CNTN5: variants seen among roughly 807,000 people sequenced by gnomAD.
The protein encoded by CNTN5 is contactin 5.
CNTN5 carries 77 observed loss-of-function variants against 129.1 expected under a neutral mutation model. That is an observed-to-expected ratio of 0.60 (90% CI 0.50 to 0.72). The LOEUF is 0.72. Among genes scored for constraint, CNTN5 ranks in the 30% least tolerant of loss-of-function variants. CNTN5 has a pLI of 0.00. For missense variants in CNTN5, 1,478 were observed against 1,328.8 expected, an observed-to-expected ratio of 1.11 and a Z score of -1.75; for synonymous variants, 509 against 465.6, an observed-to-expected ratio of 1.09 and a Z score of -1.20.
chr11:100,247,633 T>C (rs974825315), intron 16 of CNTN5, among the ~76,000 whole-genome samples: 1 of 152,168 alleles, frequency 6.6e-6, no homozygotes, highest in East Asian at 1.9e-4. Context: ...CATCATCTTG[T>C]ATAAAAATAA....
chr11:99,987,836 A>G (rs576341645), intron 8 of CNTN5, among the ~76,000 whole-genome samples: 1 of 152,280 alleles, frequency 6.6e-6, no homozygotes, highest in East Asian at 1.9e-4. Flanking sequence ...GGAGGGGGTT[A>G]CATAATTTTT....
At chr11:99,085,690 AG>A (rs1865977795) in intron 1 of CNTN5, among the ~76,000 whole-genome samples, 1 of 152,256 alleles carries the variant, frequency 6.6e-6, no homozygotes, top group African/African-American at 2.4e-5. Flanking sequence ...AAATTTTATA[AG>A]CTTATGTTTA....
intron 4 of CNTN5, among the ~76,000 whole-genome samples, chr11:99,838,375 TTCTA>T (rs1182264031): frequency 1.2e-4 from 18 of 152,350 alleles, no homozygotes; most frequent in Admixed American, 5.2e-4. Context: ...TAAATGATAC[TTCTA>T]TCTCTTATTT....
chr11:99,621,997 G>A (rs564746025), intron 3 of CNTN5, among the ~76,000 whole-genome samples: 4 of 152,148 alleles, frequency 2.6e-5, no homozygotes, highest in African/African-American at 7.2e-5. Context: ...AATCTGACTC[G>A]TTTTATCTGG....
intron 2 of CNTN5, among the ~76,000 whole-genome samples, chr11:99,434,843 A>T (rs1357763450): frequency 6.6e-6 from 1 of 152,198 alleles, no homozygotes; most frequent in African/African-American, 2.4e-5. Context: ...TTGACAATTC[A>T]AGAGAAATTT....
chr11:99,550,616 C>A (rs1948450687), intron 2 of CNTN5, among the ~76,000 whole-genome samples: 1 of 152,134 alleles, frequency 6.6e-6, no homozygotes, highest in Non-Finnish European at 1.5e-5. Context: ...AATTTACATA[C>A]AAGGCCCTCA....
rs1404138327 is a variant in CNTN5 at position 99,995,038 on chromosome 11, G to GTGA, written c.878-6995_878-6993dup. Among the ~76,000 whole-genome samples, 6 of 152,286 alleles carry GTGA rather than the reference G, an allele frequency of 3.9e-5. No homozygotes were observed. The South Asian group carries it at 8.3e-4, about 21-fold the overall frequency. On this transcript the variant is annotated intron_variant, in intron 8 of 24. Coordinates refer to ENST00000524871, the MANE Select transcript of CNTN5 (RefSeq NM_014361.4). ...AGAAGTCGTTAAACATTTGTTTTTG[G>GTGA]TGACATAATAGTGCTAACCACTCAG...
At chr11:100,068,256 T>C (rs553998906) in intron 10 of CNTN5, among the ~76,000 whole-genome samples, 13 of 152,242 alleles carry the variant, frequency 8.5e-5, no homozygotes, top group African/African-American at 3.1e-4. Flanking sequence ...ACAATTTAAG[T>C]CAGCAACAGA....
At chr11:99,823,317 A>G (rs776450153) in intron 4 of CNTN5, among the ~76,000 whole-genome samples, 9 of 152,098 alleles carry the variant, frequency 5.9e-5, no homozygotes, top group South Asian at 2.1e-4. Flanking sequence ...TGTTTCATCT[A>G]TTTTAAGTTG....
intron 1 of CNTN5, among the ~76,000 whole-genome samples, chr11:99,140,547 C>T (rs1044572096): frequency 6.6e-6 from 1 of 151,866 alleles, no homozygotes; most frequent in East Asian, 1.9e-4. Context: ...GAATCTGGTA[C>T]GAATAGGCAT....
intron 2 of CNTN5, among the ~76,000 whole-genome samples, chr11:99,351,335 A>G (rs867059082): frequency 6.6e-6 from 1 of 152,232 alleles, no homozygotes; most frequent in African/African-American, 2.4e-5. Context: ...TTGTAGATAC[A>G]GACACTAATG....
At chr11:99,987,337 T>C (rs147347015) in intron 8 of CNTN5, among the ~76,000 whole-genome samples, 4 of 152,082 alleles carry the variant, frequency 2.6e-5, no homozygotes, top group African/African-American at 9.6e-5. Context: ...GATTGAATAA[T>C]TGATTGAGTC....
intron 1 of CNTN5, among the ~76,000 whole-genome samples, chr11:99,102,089 G>C (rs921487120): frequency 6.6e-6 from 1 of 152,164 alleles, no homozygotes; most frequent in African/African-American, 2.4e-5. Flanking sequence ...GCCAAGGCTT[G>C]GGGCTTGCAC....
At chr11:99,300,174 A>G (rs183258163) in intron 1 of CNTN5, among the ~76,000 whole-genome samples, 43 of 152,128 alleles carry the variant, frequency 2.8e-4, no homozygotes, top group African/African-American at 9.4e-4. Flanking sequence ...GAGTGGTGAA[A>G]ATGGCGTCCT....
At chr11:99,350,942 A>T (rs1340383218) in intron 2 of CNTN5, among the ~76,000 whole-genome samples, 1 of 152,046 alleles carries the variant, frequency 6.6e-6, no homozygotes, top group African/African-American at 2.4e-5. Flanking sequence ...GTTAGTTCCT[A>T]AAACCAAGCA....
chr11:99,857,664 T>C lies in CNTN5; in HGVS notation c.577+12402T>C, dbSNP rs190608916. 8.7e-4 allele frequency among the ~76,000 whole-genome samples: 133 copies of C among 152,270 alleles called. 1 individual carries two copies. Among genetic ancestry groups the C allele is most frequent in the East Asian group, 7.7e-4 (4 of 5,190 alleles). ...TCATAATTTTGCATACTATTGGTAA[T>C]ATCTTACATATCATATTCGATGTCT... On this transcript the variant is annotated intron_variant, in intron 6 of 24. Coordinates refer to ENST00000524871, the MANE Select transcript of CNTN5 (RefSeq NM_014361.4).
At chr11:99,130,645 C>T (rs1482837714) in intron 1 of CNTN5, among the ~76,000 whole-genome samples, 1 of 152,030 alleles carries the variant, frequency 6.6e-6, no homozygotes, top group African/African-American at 2.4e-5. Context: ...CACCCCAAAA[C>T]AACAGAATAT....
intron 3 of CNTN5, among the ~76,000 whole-genome samples, chr11:99,719,798 G>T (rs1943105868): frequency 6.6e-6 from 1 of 151,864 alleles, no homozygotes; most frequent in Admixed American, 6.6e-5. Context: ...TAATTGAAAA[G>T]AAAAGAGAGA....
At chr11:99,582,435 C>G (rs59871538) in intron 3 of CNTN5, among the ~76,000 whole-genome samples, 3,010 of 152,264 alleles carry the variant, frequency 0.02, 90 homozygotes, top group African/African-American at 0.068. Context: ...CAACTTGGCT[C>G]CATTCTCCCC....
Sources: allele counts gnomAD v4.1 joint callset (sites outside exome capture counted in the v4.1 genomes callset), GRCh38; gene constraint gnomAD v4.1.1; transcripts MANE v1.5; gene names NCBI Gene and HGNC (gene_info 2026-07-23, HGNC 2026-07-21).